DOCK5: variants seen among roughly 807,000 people sequenced by gnomAD.
DOCK5 encodes the protein dedicator of cytokinesis 5.
Under a neutral mutation model 251.8 loss-of-function variants are expected in DOCK5, and 142 were observed. That is an observed-to-expected ratio of 0.56 (90% CI 0.49 to 0.65). DOCK5 has a LOEUF of 0.65. DOCK5 is among the 30% of genes least tolerant of loss of function. The pLI is 0.00. For missense variants in DOCK5, 2,111 were observed against 2,312.3 expected (o/e 0.91, Z 1.79); for synonymous variants, 842 against 835.5 (o/e 1.01, Z -0.13).
chr8:25,194,689 C>G (rs1305024913), intron 1 of DOCK5, among the ~76,000 whole-genome samples: 1 of 152,172 alleles, frequency 6.6e-6, no homozygotes, highest in Admixed American at 6.5e-5. Context: ...AACAGGCAGT[C>G]CCTGCTTCCA....
intron 1 of DOCK5, among the ~76,000 whole-genome samples, chr8:25,222,067 T>G (rs1802405301): frequency 6.6e-6 from 1 of 152,134 alleles, no homozygotes; most frequent in Non-Finnish European, 1.5e-5. Flanking sequence ...GCTAGGGGTT[T>G]TTGCTGTTTA....
intron 1 of DOCK5, among the ~76,000 whole-genome samples, chr8:25,202,206 T>G (rs1410081180): frequency 6.6e-6 from 1 of 151,942 alleles, no homozygotes; most frequent in Non-Finnish European, 1.5e-5. Flanking sequence ...TTAGAAGAGA[T>G]AGGGTTTTGC....
intron 40 of DOCK5, among the ~76,000 whole-genome samples, chr8:25,388,522 T>C (rs1481422778): frequency 6.6e-6 from 1 of 152,238 alleles, no homozygotes; most frequent in Non-Finnish European, 1.5e-5. Flanking sequence ...AATTTTCTAT[T>C]AGACTTTCAG....
intron 39 of DOCK5, among the ~76,000 whole-genome samples, chr8:25,381,470 T>C (rs1257887447): frequency 6.6e-6 from 1 of 151,844 alleles, no homozygotes; most frequent in Non-Finnish European, 1.5e-5. Flanking sequence ...ACAAAAAATA[T>C]AAAAAATTAG....
intron 2 of DOCK5, among the ~76,000 whole-genome samples, chr8:25,261,177 T>A: frequency 6.6e-6 from 1 of 152,176 alleles, no homozygotes; most frequent in Middle Eastern, 3.2e-3. Flanking sequence ...TAGCCCTATA[T>A]GAAGTTACTT....
chr8:25,187,704 A>ATC (rs1801469561), intron 1 of DOCK5, among the ~76,000 whole-genome samples: 1 of 152,002 alleles, frequency 6.6e-6, no homozygotes, highest in South Asian at 2.1e-4. Flanking sequence ...CTTCAGCATT[A>ATC]TCTCTCGAGG....
At chr8:25,254,799 A>AAAC (rs1803373599) in intron 2 of DOCK5, among the ~76,000 whole-genome samples, 1 of 147,820 alleles carries the variant, frequency 6.8e-6, no homozygotes, top group Non-Finnish European at 1.5e-5. Flanking sequence ...AAAACAAAAA[A>AAAC]AAAAAACATT....
At chr8:25,324,083 A>C in intron 17 of DOCK5, 132 bp downstream of exon 17, 1 of 1,016,712 alleles carries the variant, frequency 9.8e-7, no homozygotes, top group Non-Finnish European at 1.4e-6. Context: ...AACATCTAGA[A>C]ACCCAGAGGG....
At chr8:25,399,433 C>T (rs1208903827) in intron 45 of DOCK5, among the ~76,000 whole-genome samples, 4 of 152,180 alleles carry the variant, frequency 2.6e-5, no homozygotes, top group Admixed American at 2.6e-4. Context: ...TTAACCTTCA[C>T]TTAATATAGG....
At chr8:25,204,189 T>A (rs1801944475) in intron 1 of DOCK5, among the ~76,000 whole-genome samples, 2 of 152,230 alleles carry the variant, frequency 1.3e-5, no homozygotes. Context: ...TAGAAGTAAC[T>A]TCAGGAATTA....
At chr8:25,339,182 CT>C (rs1383443189) in intron 22 of DOCK5, among the ~76,000 whole-genome samples, 1 of 152,178 alleles carries the variant, frequency 6.6e-6, no homozygotes, top group Non-Finnish European at 1.5e-5. Context: ...CCTGGGCCCC[CT>C]GTTGCCTTCC....
chr8:25,364,196 A>G (rs1286908379), intron 29 of DOCK5, among the ~76,000 whole-genome samples: 1 of 152,100 alleles, frequency 6.6e-6, no homozygotes, highest in Non-Finnish European at 1.5e-5. Flanking sequence ...ATTATTATTA[A>G]CTCTACATGA....
At position 25,368,663 on chromosome 8, in the gene DOCK5, C is replaced by G; in HGVS notation, c.3376C>G (p.Pro1126Ala). The change falls in exon 33 of 52, where the codon CCC becomes GCC. Residue 1126 changes from proline to alanine, a missense_variant. This residue lies in a region of DOCK5 where 1,717 missense variants were observed against 1,892.4 expected (regional missense o/e 0.91). Coordinates refer to ENST00000276440, the MANE Select transcript of DOCK5 (RefSeq NM_024940.8). ...AGTAGAGCTCCGGAAAGCCACAATCCCCATTTTCTTTGATATGATGCAGTG... is the reference window on the plus strand; with the variant it reads ...AGTAGAGCTCCGGAAAGCCACAATCGCCATTTTCTTTGATATGATGCAGTG... Reference protein sequence around the residue: ...PEVELRKATIPIFFDMMQCEF... With the variant: ...PEVELRKATIAIFFDMMQCEF... The G allele has an allele frequency of 6.2e-7, 1 of 1,613,842 alleles. No homozygotes were observed. The highest frequency in any genetic ancestry group is 8.5e-7 in the Non-Finnish European group (1 of 1,179,834).
intron 37 of DOCK5, chr8:25,376,103 G>GAAAAAAAAAAAAAAAAA (rs59845416): frequency 2.8e-6 from 2 of 715,328 alleles, no homozygotes; most frequent in Non-Finnish European, 1.7e-6. Flanking sequence ...TGTCTCAAAA[G>GAAAAAAAAAAAAAAAAA]AAAAAAAAAA....
chr8:25,287,444 T>C (rs79117570), intron 5 of DOCK5, among the ~76,000 whole-genome samples: 1,782 of 152,084 alleles, frequency 0.012, 41 homozygotes, highest in African/African-American at 0.041. Context: ...GTTATAAATA[T>C]TTGGACTAAA....
chr8:25,274,977 G>A (rs771615498), intron 3 of DOCK5, among the ~76,000 whole-genome samples: 2 of 152,030 alleles, frequency 1.3e-5, no homozygotes, highest in Non-Finnish European at 2.9e-5. Context: ...ATATTCTGAG[G>A]GATGACTTAT....
At chr8:25,269,466 A>G (rs1387962398) in intron 3 of DOCK5, among the ~76,000 whole-genome samples, 1 of 152,220 alleles carries the variant, frequency 6.6e-6, no homozygotes, top group Non-Finnish European at 1.5e-5. Flanking sequence ...TTTTAGGTAT[A>G]TACTTTTATT....
rs367987371 is a variant in DOCK5 at position 25,410,979 on chromosome 8, GCGCGCACGCA to G, written c.5509-211_5509-202del. Reference sequence around the variant, plus strand: ...TGTGTGTGTGTGTGTGTGTGCGCGCGCGCGCACGCACGCACGCACGCACGCGTGTGTCTGA... The same window carrying G: ...TGTGTGTGTGTGTGTGTGTGCGCGCGCGCACGCACGCACGCGTGTGTCTGA... On this transcript the variant is annotated intron_variant, in intron 51 of 51. Transcript: ENST00000276440. Among the ~76,000 whole-genome samples the G allele has an allele frequency of 4.6e-3, 533 of 115,466 alleles. 4 individuals carry two copies. The highest frequency in any genetic ancestry group is 0.039 in the South Asian group (137 of 3,554). 75.8% of individuals were successfully genotyped at this position (115,466 alleles called of 152,430 possible). A position where few individuals can be genotyped will look rare whatever the true frequency, so the allele number is the denominator to read the frequency against.
At position 25,299,042 on chromosome 8, in the gene DOCK5, C is replaced by T. The variant is rs374142231; in HGVS notation, c.705C>T (p.Ile235=). 32 of 1,613,746 alleles carry T rather than the reference C, an allele frequency of 2.0e-5. No homozygotes were observed. The highest frequency in any genetic ancestry group is 4.0e-5 in the African/African-American group (3 of 74,868). ...ACTTCAAGAACTTTGTCTGCAACAT[C>T]GGGGAAGATGCAGAGTTGTTTATGG... is the stretch of plus-strand genomic sequence containing the variant. ...YVNFKNFVCN[I]GEDAELFMAL... is the part of the protein sequence containing the mutation. The change falls in exon 8 of 52, where the codon ATC becomes ATT. Residue 235 remains isoleucine, a synonymous_variant. Coordinates refer to ENST00000276440, the MANE Select transcript of DOCK5 (RefSeq NM_024940.8).
Sources: gnomAD v4.1 joint callset for allele counts (sites outside exome capture counted in the v4.1 genomes callset) on GRCh38, gnomAD v4.1.1 for gene constraint, gnomAD v4.1.1 regional missense constraint, MANE v1.5 for transcripts, NCBI Gene and HGNC (gene_info 2026-07-23, HGNC 2026-07-21) for gene names.